Variants in ACTN2 observed in about 807,000 individuals in gnomAD.
The protein encoded by ACTN2 is actinin alpha 2.
A neutral mutation model predicts 113.8 loss-of-function variants in ACTN2; 39 were observed. The ratio of observed to expected loss-of-function variants is 0.34; its 90% CI spans 0.27 to 0.45. The LOEUF is 0.45. Among genes scored for constraint, ACTN2 ranks in the 20% least tolerant of loss-of-function variants. ACTN2 has a pLI of 1.00. For synonymous variants in ACTN2, 429 were observed against 444.1 expected (o/e 0.97, Z 0.43); for missense variants, 992 against 1,177.9 (o/e 0.84, Z 2.31).
At chr1:236,755,383 T>C (rs1226877816) in intron 17 of ACTN2, among the ~76,000 whole-genome samples, 185 bp downstream of exon 17, 1 of 152,222 alleles carries the variant, frequency 6.6e-6, no homozygotes, top group Non-Finnish European at 1.5e-5. Context: ...TATCGAGGAC[T>C]ATATGGTATT....
At chr1:236,757,169 G>A (rs368375956) in intron 17 of ACTN2, among the ~76,000 whole-genome samples, 2 of 36,484 alleles carry the variant, frequency 5.5e-5, no homozygotes, top group African/African-American at 1.6e-4. Context: ...CAGAGTGCCC[G>A]CTGCCACTGT....
rs886046212 is a variant in ACTN2 at position 236,763,907 on chromosome 1, T to G, written c.*1288T>G. On this transcript the variant is annotated 3_prime_UTR_variant, in exon 21 of 21. Transcript: ENST00000366578. ...ATAATTCCCCCCTGTTTTTCCATCT[T>G]GTTGACAGCTTGTAGAGAATAAAGC... The G allele has an allele frequency of 9.2e-5, 14 of 152,228 alleles. No homozygotes were observed. The highest frequency in any genetic ancestry group is 2.9e-5 in the Non-Finnish European group (2 of 68,032). 9.4% of individuals were successfully genotyped at this position (152,228 alleles called of 1,614,324 possible). A position where few individuals can be genotyped will look rare whatever the true frequency, so the allele number is the denominator to read the frequency against.
chr1:236,717,055 G>A (rs111888885), intron 1 of ACTN2, among the ~76,000 whole-genome samples: 10,695 of 109,538 alleles, frequency 0.098, 686 homozygotes, highest in East Asian at 0.29. Flanking sequence ...GGCTGGTCTC[G>A]AACTCCTGAC....
intron 4 of ACTN2, among the ~76,000 whole-genome samples, chr1:236,725,522 G>C (rs901363379): frequency 6.6e-6 from 1 of 152,106 alleles, no homozygotes; most frequent in African/African-American, 2.4e-5. Flanking sequence ...AGCTACTCGG[G>C]AGGCTGAGGC....
chr1:236,757,441 T>G, intron 17 of ACTN2, 45 bp from the exon 18 acceptor site: 1 of 1,613,312 alleles, frequency 6.2e-7, no homozygotes, highest in Non-Finnish European at 8.5e-7. Flanking sequence ...AGAGTTGACA[T>G]GCTGGAGAGA....
chr1:236,689,358 T>A (rs189051620), intron 1 of ACTN2, among the ~76,000 whole-genome samples: 56,712 of 145,126 alleles, frequency 0.39, 13,479 homozygotes, highest in Non-Finnish European at 0.53. Context: ...TATGTATATT[T>A]TATATATATA....
chr1:236,723,720 G>A (rs964762663), intron 4 of ACTN2, among the ~76,000 whole-genome samples: 5 of 152,230 alleles, frequency 3.3e-5, no homozygotes, highest in Admixed American at 3.3e-4. Context: ...GCCTCCCAAA[G>A]TGCTGGGATT....
At chr1:236,701,757 A>G (rs1199069928) in intron 1 of ACTN2, among the ~76,000 whole-genome samples, 1 of 152,214 alleles carries the variant, frequency 6.6e-6, no homozygotes, top group Non-Finnish European at 1.5e-5. Flanking sequence ...TTTTGACAGT[A>G]TGTCTTTTCT....
intron 6 of ACTN2, among the ~76,000 whole-genome samples, chr1:236,728,386 G>A (rs573001819): frequency 1.8e-4 from 27 of 152,086 alleles, no homozygotes; most frequent in South Asian, 2.1e-4. Flanking sequence ...CTCGTGATCC[G>A]CCCGCCTCAG....
chr1:236,757,422 T>A, intron 17 of ACTN2, 64 bp from the exon 18 acceptor site: 1 of 1,605,490 alleles, frequency 6.2e-7, no homozygotes, highest in Non-Finnish European at 8.5e-7. Flanking sequence ...GTTATGAAAG[T>A]AAAGAGGCAG....
rs894295575 is a variant in ACTN2, at chr1:236,754,787, T to A, written c.1975-232T>A. Among the ~76,000 whole-genome samples, 1 of 152,142 alleles carries A rather than the reference T, an allele frequency of 6.6e-6. No homozygotes were observed. Among genetic ancestry groups the A allele is most frequent in the Admixed American group, 6.6e-5 (1 of 15,266 alleles). Reference sequence around the variant, plus strand: ...ACCCCTCTTGCCTCTCTGTTTTGGATCTTGGTTGACTTTTTCCTCATTTTC... The same window carrying A: ...ACCCCTCTTGCCTCTCTGTTTTGGAACTTGGTTGACTTTTTCCTCATTTTC... On this transcript the variant is annotated intron_variant, in intron 16 of 20. Coordinates refer to ENST00000366578, the MANE Select transcript of ACTN2 (RefSeq NM_001103.4). This position sits in a 1 kb window ranked among gnomAD's most constrained non-coding sequence, Gnocchi z 4.9.
chr1:236,701,011 C>T (rs1297734993), intron 1 of ACTN2, among the ~76,000 whole-genome samples: 1 of 152,172 alleles, frequency 6.6e-6, no homozygotes, highest in Non-Finnish European at 1.5e-5. Context: ...GGCCTCTGTT[C>T]CTTATGAAAT....
rs200529923 is a variant in ACTN2, at chr1:236,747,712, G to A, written c.1452G>A (p.Gln484=). 1,201 of 1,614,222 alleles carry A rather than the reference G, an allele frequency of 7.4e-4. 4 individuals carry two copies. Among genetic ancestry groups the A allele is most frequent in the Non-Finnish European group, 9.6e-4 (1,130 of 1,180,022 alleles). Residue 484 remains glutamine (Q), a synonymous_variant, in exon 13 of 21, where the codon CAG becomes CAA. Transcript: ENST00000366578. ...CTGTGAATGTCAATGATCGGTGCCAGAAAATTTGTGACCAGTGGGACCGAC... is the reference window on the plus strand; with the variant it reads ...CTGTGAATGTCAATGATCGGTGCCAAAAAATTTGTGACCAGTGGGACCGAC... ...HDAVNVNDRC[Q]KICDQWDRLG... is the part of the protein sequence containing the mutation.
At chr1:236,762,418 T>C (rs1659733260) in intron 20 of ACTN2, 43 bp from the exon 21 acceptor site, 2 of 1,612,356 alleles carry the variant, frequency 1.2e-6, no homozygotes, top group African/African-American at 1.3e-5. Context: ...TATGTTGTGG[T>C]GTTTCTGCAA....
At chr1:236,749,300 A>G in intron 14 of ACTN2, 36 bp downstream of exon 14, 2 of 1,613,346 alleles carry the variant, frequency 1.2e-6, no homozygotes, top group South Asian at 1.1e-5. Context: ...CCTATGCATT[A>G]GAAGTGAGTT....
intron 9 of ACTN2, 114 bp downstream of exon 9, chr1:236,737,328 T>C (rs565683640): frequency 7.2e-5 from 21 of 291,136 alleles, no homozygotes; most frequent in African/African-American, 4.0e-4. Flanking sequence ...TTTTGCATTT[T>C]TCATCTCAGA....
chr1:236,738,945 A>G (rs1446810823), intron 9 of ACTN2, among the ~76,000 whole-genome samples: 1 of 152,144 alleles, frequency 6.6e-6, no homozygotes, highest in Non-Finnish European at 1.5e-5. Flanking sequence ...TGCCATGTCA[A>G]GTATTTTGGG....
chr1:236,739,240 T>A lies in ACTN2; in HGVS notation c.877-62T>A, dbSNP rs1470236728. ...AAATTATTGGATGCCTCATTTTTTT[T>A]TTTTAACTGGGGGAGGGGGCTTGCT... On this transcript the variant is annotated intron_variant, in intron 9 of 20. Transcript: ENST00000366578. 3 of 1,540,788 alleles carry A rather than the reference T, an allele frequency of 1.9e-6. No homozygotes were observed. The African/African-American group carries it at 4.1e-5, about 21-fold the overall frequency.
chr1:236,754,872 C>T lies in ACTN2; in HGVS notation c.1975-147C>T, dbSNP rs1427998735. 1.1e-6 allele frequency: 1 copy of T among 898,294 alleles called. No homozygotes were observed. The highest frequency in any genetic ancestry group is 1.8e-6 in the Non-Finnish European group (1 of 541,646). 55.6% of individuals were successfully genotyped at this position (898,294 alleles called of 1,614,324 possible). ...CGATGCTACCCAGTCCCCACTTCCT[C>T]TGAGAAAAGTGAACCGAGTGACACT... On this transcript the variant is annotated intron_variant, in intron 16 of 20. Coordinates refer to ENST00000366578, the MANE Select transcript of ACTN2 (RefSeq NM_001103.4). The surrounding 1 kb of genome is among the most constrained non-coding windows in gnomAD (Gnocchi z 4.9).
Sources: gnomAD v4.1 joint callset for allele counts (sites outside exome capture counted in the v4.1 genomes callset) on GRCh38, gnomAD v4.1.1 for gene constraint, Gnocchi (gnomAD v3.1) non-coding constraint, MANE v1.5 for transcripts, NCBI Gene and HGNC (gene_info 2026-07-23, HGNC 2026-07-21) for gene names.